CCDC85A: variants seen among roughly 807,000 people sequenced by gnomAD.
CCDC85A encodes the protein coiled-coil domain-containing protein 85A.
CCDC85A carries 38 observed loss-of-function variants against 50.2 expected under a neutral mutation model. The ratio of observed to expected loss-of-function variants is 0.76; its 90% CI spans 0.58 to 0.99. The LOEUF (loss-of-function observed/expected upper bound fraction) is 0.99. Ranked by LOEUF, CCDC85A falls within the 50% of genes least tolerant of loss-of-function variation. CCDC85A has a pLI of 0.00. For missense variants in CCDC85A, 820 were observed against 742.0 expected, an observed-to-expected ratio of 1.11 and a Z score of -1.22; for synonymous variants, 366 against 301.4, an observed-to-expected ratio of 1.21 and a Z score of -2.22.
At chr2:56,228,710 T>G (rs1668649247) in intron 2 of CCDC85A, among the ~76,000 whole-genome samples, 1 of 152,014 alleles carries the variant, frequency 6.6e-6, no homozygotes. Context: ...TTTTTTTGTG[T>G]TTTTAGTAGA....
chr2:56,190,243 A>G (rs1323251909), intron 1 of CCDC85A, among the ~76,000 whole-genome samples: 2 of 152,162 alleles, frequency 1.3e-5, no homozygotes, highest in African/African-American at 4.8e-5. Context: ...AAGCAGTGAA[A>G]TCTTAGGTAG....
intron 3 of CCDC85A, among the ~76,000 whole-genome samples, chr2:56,359,380 T>C (rs1350033552): frequency 6.6e-6 from 1 of 152,218 alleles, no homozygotes; most frequent in African/African-American, 2.4e-5. Context: ...ATTGTTGTGA[T>C]ATCGTCGAAT....
chr2:56,371,783 A>T (rs938608885), intron 3 of CCDC85A, among the ~76,000 whole-genome samples: 23 of 152,168 alleles, frequency 1.5e-4, no homozygotes, highest in Middle Eastern at 6.8e-3. Context: ...TTTCTATGTA[A>T]AATATTTATT....
At chr2:56,378,733 C>G (rs1676452447) in intron 5 of CCDC85A, among the ~76,000 whole-genome samples, 1 of 152,150 alleles carries the variant, frequency 6.6e-6, no homozygotes, top group Non-Finnish European at 1.5e-5. Context: ...ACCTGAAGGT[C>G]CCACTTCATG....
chr2:56,371,797 A>G (rs1317495320), intron 3 of CCDC85A, among the ~76,000 whole-genome samples: 1 of 152,128 alleles, frequency 6.6e-6, no homozygotes, highest in Non-Finnish European at 1.5e-5. Context: ...ATTTATTTTA[A>G]TGCAGTGATG....
chr2:56,229,143 A>C (rs1181517431), intron 2 of CCDC85A, among the ~76,000 whole-genome samples: 1 of 152,134 alleles, frequency 6.6e-6, no homozygotes, highest in Non-Finnish European at 1.5e-5. Flanking sequence ...TTACCAGCAA[A>C]GTTTAGGACC....
upstream of CCDC85A, chr2:56,183,976 C>G (rs1037218649): frequency 1.4e-5 from 14 of 985,652 alleles, no homozygotes; most frequent in East Asian, 1.1e-4. Context: ...CAGCCGGTCC[C>G]CCACCCTCCA....
intron 2 of CCDC85A, among the ~76,000 whole-genome samples, chr2:56,329,889 A>G (rs1351506953): frequency 2.0e-5 from 3 of 151,054 alleles, no homozygotes; most frequent in Non-Finnish European, 4.4e-5. Context: ...GTCCTAAGAG[A>G]AAATAACATA....
chr2:56,193,032 A>G lies in CCDC85A; in HGVS notation c.832A>G (p.Ser278Gly), dbSNP rs1558576812. ...TCGCCCCAAAGCACTCAAAGGACCT[A>G]GCCCGGAGCACCACAAACCCTTGTG... Reference protein sequence around the residue: ...PDRPKALKGPSPEHHKPLCKG... With the variant: ...PDRPKALKGPGPEHHKPLCKG... The change falls in exon 2 of 6, where the codon AGC becomes GGC. Residue 278 changes from serine (S) to glycine (G), a missense_variant. By Grantham distance (56) the Ser-to-Gly change is moderately conservative. Transcript: ENST00000407595. 2 of 1,613,780 alleles carry G rather than the reference A, an allele frequency of 1.2e-6. No individual in the cohort carries two copies. The highest frequency in any genetic ancestry group is 2.2e-5 in the East Asian group (1 of 44,850).
chr2:56,285,278 G>GTT (rs1390531091), intron 2 of CCDC85A, among the ~76,000 whole-genome samples: 1 of 150,228 alleles, frequency 6.7e-6, no homozygotes, highest in African/African-American at 2.4e-5. Flanking sequence ...ATTTTTTTGT[G>GTT]TTTTTCATAG....
At position 56,184,777 on chromosome 2, in the gene CCDC85A, G is replaced by C. The variant is rs772974236; in HGVS notation, c.153G>C (p.Glu51Asp). 27 of 1,546,518 alleles carry C rather than the reference G, an allele frequency of 1.7e-5. No individual in the cohort carries two copies. The highest frequency in any genetic ancestry group is 1.4e-4 in the Admixed American group (7 of 50,922). Residue 51 changes from glutamate (E) to aspartate (D), a missense_variant, in exon 1 of 6, where the codon GAG becomes GAC. Transcript: ENST00000407595. Reference sequence around the variant, plus strand: ...AGCTGCTGCAGTGGAGCAAGGAGGAGCTGATCCGCAGCCTGCGGCGCGCCG... The same window carrying C: ...AGCTGCTGCAGTGGAGCAAGGAGGACCTGATCCGCAGCCTGCGGCGCGCCG... ...DEELLQWSKE[E>D]LIRSLRRAEA...
chr2:56,320,134 A>G (rs549324433), intron 2 of CCDC85A, among the ~76,000 whole-genome samples: 1 of 152,320 alleles, frequency 6.6e-6, no homozygotes, highest in South Asian at 2.1e-4. Context: ...GACACATTTA[A>G]AGCAGTGTGT....
chr2:56,219,639 C>T (rs2103902315), intron 2 of CCDC85A, among the ~76,000 whole-genome samples: 1 of 151,926 alleles, frequency 6.6e-6, no homozygotes, highest in East Asian at 1.9e-4. Context: ...TGCTTACCCT[C>T]CCCCATGCTT....
intron 2 of CCDC85A, among the ~76,000 whole-genome samples, chr2:56,214,299 G>T (rs71414580): frequency 6.6e-6 from 1 of 151,924 alleles, no homozygotes; most frequent in Non-Finnish European, 1.5e-5. Flanking sequence ...TGAGTATGAA[G>T]AGAGTCAATA....
At position 56,290,923 on chromosome 2, in the gene CCDC85A, T is replaced by C. The variant is rs7558414; in HGVS notation, c.1241-51956T>C. Among the ~76,000 whole-genome samples, 969 of 152,328 alleles carry C rather than the reference T, an allele frequency of 6.4e-3. 8 individuals are homozygous for C. Among genetic ancestry groups the C allele is most frequent in the African/African-American group, 0.022 (919 of 41,568 alleles). On this transcript the variant is annotated intron_variant, in intron 2 of 5. Coordinates refer to ENST00000407595, the MANE Select transcript of CCDC85A (RefSeq NM_001080433.2). ...CTTACTGTAATTCTTTTGGTGTCTT[T>C]AATATGCTAAAACACACTGTGGGTT...
intron 2 of CCDC85A, among the ~76,000 whole-genome samples, chr2:56,294,800 T>A (rs928298703): frequency 1.3e-5 from 2 of 152,208 alleles, no homozygotes; most frequent in Non-Finnish European, 2.9e-5. Flanking sequence ...AACTCTTAAG[T>A]CACTATAAGT....
At chr2:56,249,480 G>A (rs903088076) in intron 2 of CCDC85A, among the ~76,000 whole-genome samples, 1 of 152,140 alleles carries the variant, frequency 6.6e-6, no homozygotes, top group African/African-American at 2.4e-5. Context: ...TCCCATACAG[G>A]GCCTATATGT....
chr2:56,312,059 A>G (rs1010020560), intron 2 of CCDC85A, among the ~76,000 whole-genome samples: 6 of 152,250 alleles, frequency 3.9e-5, no homozygotes, highest in Middle Eastern at 3.4e-3. Context: ...TTTGGCTGTG[A>G]TATTGGGCAT....
chr2:56,253,493 G>A (rs769833937), intron 2 of CCDC85A, among the ~76,000 whole-genome samples: 14 of 152,138 alleles, frequency 9.2e-5, no homozygotes, highest in Non-Finnish European at 8.8e-5. Context: ...CTGAGCCATA[G>A]TACAGGTTTC....
Sources: gnomAD v4.1 joint callset for allele counts (sites outside exome capture counted in the v4.1 genomes callset) on GRCh38, gnomAD v4.1.1 for gene constraint, MANE v1.5 for transcripts, NCBI Gene and HGNC (gene_info 2026-07-23, HGNC 2026-07-21) for gene names.